The following CRISPLD2 variants were observed in gnomAD, a reference collection of about 807,000 sequenced individuals.
CRISPLD2 encodes cysteine rich secretory protein LCCL domain containing 2, also known as cysteine-rich secretory protein LCCL domain-containing 2.
CRISPLD2 carries 47 observed loss-of-function variants against 71.1 expected under a neutral mutation model. The ratio of observed to expected loss-of-function variants is 0.66; its 90% CI spans 0.52 to 0.84. CRISPLD2 has a LOEUF of 0.84. Among genes scored for constraint, CRISPLD2 ranks in the 40% least tolerant of loss-of-function variants. The probability of loss-of-function intolerance (pLI) is 0.00; values close to 1 mark genes in which losing one functional copy is unlikely to be tolerated. For missense variants in CRISPLD2, 830 were observed against 651.1 expected, an observed-to-expected ratio of 1.27 and a Z score of -2.99; for synonymous variants, 317 against 250.1, an observed-to-expected ratio of 1.27 and a Z score of -2.52.
chr16:84,906,104 C>G (rs2071799808), intron 14 of CRISPLD2, among the ~76,000 whole-genome samples: 1 of 152,126 alleles, frequency 6.6e-6, no homozygotes, highest in Admixed American at 6.5e-5. Context: ...CTGGGTAAAT[C>G]TCTTTATTTC....
chr16:84,869,641 C>G (rs954709019), intron 8 of CRISPLD2, among the ~76,000 whole-genome samples: 25 of 152,170 alleles, frequency 1.6e-4, no homozygotes, highest in African/African-American at 6.0e-4. Context: ...CAACAGTCAG[C>G]AGTGGAATAA....
intron 3 of CRISPLD2, among the ~76,000 whole-genome samples, chr16:84,846,758 C>G (rs549851483): frequency 6.6e-6 from 1 of 152,208 alleles, no homozygotes; most frequent in Non-Finnish European, 1.5e-5. Context: ...CTTCTCCAGA[C>G]CCCCGAGGCT....
At chr16:84,868,935 G>A (rs8045364) in intron 8 of CRISPLD2, 24 bp downstream of exon 8, 39 of 1,517,920 alleles carry the variant, frequency 2.6e-5, no homozygotes, top group Admixed American at 5.7e-5. Context: ...GGGCTGTCCT[G>A]CCACTGTAGC....
intron 14 of CRISPLD2, among the ~76,000 whole-genome samples, chr16:84,906,029 A>G (rs1304352413): frequency 2.6e-5 from 4 of 152,018 alleles, no homozygotes; most frequent in Admixed American, 1.3e-4. Context: ...TTTAAAAACC[A>G]TCTTTGATTA....
At chr16:84,823,986 G>T (rs909012632) in intron 1 of CRISPLD2, among the ~76,000 whole-genome samples, 2 of 152,148 alleles carry the variant, frequency 1.3e-5, no homozygotes, top group East Asian at 3.9e-4. Flanking sequence ...TTTGAATAGG[G>T]AAAAGACTCA....
At chr16:84,829,616 T>C (rs527745498) in intron 1 of CRISPLD2, among the ~76,000 whole-genome samples, 1 of 152,174 alleles carries the variant, frequency 6.6e-6, no homozygotes, top group Non-Finnish European at 1.5e-5. Flanking sequence ...GGGTCTCAGC[T>C]GAGTGGTGCA....
intron 14 of CRISPLD2, among the ~76,000 whole-genome samples, chr16:84,896,221 A>G (rs1394702152): frequency 1.3e-5 from 2 of 151,628 alleles, no homozygotes; most frequent in South Asian, 2.1e-4. Flanking sequence ...TCATATATAT[A>G]TATGTTTAGT....
chr16:84,857,134 A>T (rs1035537928), intron 6 of CRISPLD2, among the ~76,000 whole-genome samples: 1 of 152,140 alleles, frequency 6.6e-6, no homozygotes, highest in Non-Finnish European at 1.5e-5. Flanking sequence ...CAAATTGGGC[A>T]CTCAGCAGTG....
At chr16:84,827,973 G>A (rs1384709888) in intron 1 of CRISPLD2, among the ~76,000 whole-genome samples, 1 of 152,178 alleles carries the variant, frequency 6.6e-6, no homozygotes, top group African/African-American at 2.4e-5. Flanking sequence ...TGTCCGGGAT[G>A]TCCTGCTCAC....
rs529334333 is a variant in CRISPLD2, at chr16:84,907,211, G to A, written c.*569G>A. 9 of 165,614 alleles carry A rather than the reference G, an allele frequency of 5.4e-5. No individual in the cohort carries two copies. In the South Asian group the frequency reaches 1.4e-3, roughly 25 times the overall value. The allele number at this position is 165,614 out of a possible 1,614,324, so 10.3% of individuals were successfully genotyped here. A position where few individuals can be genotyped will look rare whatever the true frequency, so the allele number is the denominator to read the frequency against. On this transcript the variant is annotated 3_prime_UTR_variant, in exon 15 of 15. Transcript: ENST00000262424. ...ATGGGCTAGAGTAAGAGGGCTGCGGGTATGAGAGACCCCGGCTCCGCCCTG... is the reference window on the plus strand; with the variant it reads ...ATGGGCTAGAGTAAGAGGGCTGCGGATATGAGAGACCCCGGCTCCGCCCTG...
intron 8 of CRISPLD2, among the ~76,000 whole-genome samples, chr16:84,870,192 A>T (rs1024352301): frequency 6.6e-5 from 10 of 152,320 alleles, no homozygotes; most frequent in Admixed American, 2.6e-4. Context: ...GGAAAGCAAT[A>T]ACAACAACAA....
intron 1 of CRISPLD2, among the ~76,000 whole-genome samples, chr16:84,832,138 C>G (rs929391682): frequency 6.6e-6 from 1 of 152,290 alleles, no homozygotes; most frequent in African/African-American, 2.4e-5. Context: ...CTCCAGCCTT[C>G]TAAAATCCCT....
At chr16:84,854,496 G>A (rs1220894727) in intron 5 of CRISPLD2, among the ~76,000 whole-genome samples, 1 of 152,190 alleles carries the variant, frequency 6.6e-6, no homozygotes, top group Non-Finnish European at 1.5e-5. Flanking sequence ...CTGTGTGGAA[G>A]GGCATCTTGT....
At chr16:84,847,762 G>A (rs1916955507) in intron 3 of CRISPLD2, among the ~76,000 whole-genome samples, 1 of 152,182 alleles carries the variant, frequency 6.6e-6, no homozygotes, top group South Asian at 2.1e-4. Flanking sequence ...CTCCTTTGCA[G>A]CACCTGGCTG....
At chr16:84,895,599 C>T (rs1485293537) in intron 14 of CRISPLD2, among the ~76,000 whole-genome samples, 1 of 152,070 alleles carries the variant, frequency 6.6e-6, no homozygotes, top group Non-Finnish European at 1.5e-5. Flanking sequence ...GAAACTTTTC[C>T]CCCCTAAGAA....
chr16:84,845,949 C>T, intron 3 of CRISPLD2, 45 bp downstream of exon 3: 2 of 1,315,072 alleles, frequency 1.5e-6, no homozygotes, highest in Non-Finnish European at 2.2e-6. Flanking sequence ...GACCCCACTG[C>T]CGTGTGCCGG....
chr16:84,840,241 A>G (rs886458174), intron 2 of CRISPLD2, among the ~76,000 whole-genome samples: 2 of 152,186 alleles, frequency 1.3e-5, no homozygotes, highest in African/African-American at 2.4e-5. Context: ...CAAAGCTGCC[A>G]TGGAGGGTCG....
chr16:84,834,987 A>G (rs1916580826), intron 1 of CRISPLD2, among the ~76,000 whole-genome samples: 1 of 152,130 alleles, frequency 6.6e-6, no homozygotes, highest in African/African-American at 2.4e-5. Flanking sequence ...AGTTTGGGGA[A>G]AACCAGCTCA....
At chr16:84,862,867 G>C (rs182013327) in intron 6 of CRISPLD2, 21 of 152,354 alleles carry the variant, frequency 1.4e-4, no homozygotes, top group African/African-American at 4.6e-4. Context: ...CAGGTCCTCT[G>C]TTGTCCCAGC....
Sources: allele counts gnomAD v4.1 joint callset (sites outside exome capture counted in the v4.1 genomes callset), GRCh38; gene constraint gnomAD v4.1.1; transcripts MANE v1.5; gene names NCBI Gene and HGNC (gene_info 2026-07-23, HGNC 2026-07-21).